Variants in QTGAL observed in about 807,000 individuals in gnomAD.
QTGAL encodes the protein BGnT-like protein 1.
At chr17:82,964,649 G>A in the QTGAL span, among the ~76,000 whole-genome samples, 26,721 of 124,582 alleles carry the variant, frequency 0.21, 3,666 homozygotes, top group East Asian at 0.4. Flanking sequence ...ACGGGGACAC[G>A]GACGCCTACA....
the QTGAL span, among the ~76,000 whole-genome samples, chr17:83,033,648 T>A: frequency 4.5e-4 from 68 of 151,846 alleles, no homozygotes; most frequent in Non-Finnish European, 8.1e-4. Flanking sequence ...ATTTTTTGTA[T>A]TTTTAGTAGA....
At chr17:83,019,583 G>A in the QTGAL span, among the ~76,000 whole-genome samples, 47,687 of 151,984 alleles carry the variant, frequency 0.31, 7,731 homozygotes, top group South Asian at 0.43. Flanking sequence ...TCGGGAAGAC[G>A]GGAAAGATCT....
At chr17:82,942,489 C>G in the QTGAL span, 8 of 1,613,938 alleles carry the variant, frequency 5.0e-6, no homozygotes, top group Non-Finnish European at 6.8e-6. Flanking sequence ...CCATACCTCA[C>G]CCCTGCCTGG....
the QTGAL span, among the ~76,000 whole-genome samples, chr17:82,990,675 A>C: frequency 6.6e-6 from 1 of 152,242 alleles, no homozygotes; most frequent in Non-Finnish European, 1.5e-5. Flanking sequence ...TTCAAATTTC[A>C]GAATTACAGC....
the QTGAL span, among the ~76,000 whole-genome samples, chr17:83,002,907 GCCCGCC>G: frequency 3.5e-5 from 1 of 28,586 alleles, no homozygotes; most frequent in African/African-American, 1.8e-4. Context: ...GGATTCCTGA[GCCCGCC>G]CTCCCGCCCT....
At chr17:82,989,410 G>C in the QTGAL span, among the ~76,000 whole-genome samples, 1 of 151,592 alleles carries the variant, frequency 6.6e-6, no homozygotes, top group African/African-American at 2.4e-5. Context: ...CCTAGGTGGT[G>C]GGTTGATGGG....
the QTGAL span, among the ~76,000 whole-genome samples, chr17:82,955,887 C>G: frequency 6.6e-6 from 1 of 151,906 alleles, no homozygotes; most frequent in Admixed American, 6.6e-5. Context: ...CCTCAGCAAA[C>G]TAACACAGGA....
chr17:83,010,888 G>A, the QTGAL span, among the ~76,000 whole-genome samples: 1 of 152,132 alleles, frequency 6.6e-6, no homozygotes, highest in African/African-American at 2.4e-5. Context: ...TTGTTCCTCC[G>A]CGTCGCTTCC....
chr17:82,951,111 G>T, the QTGAL span, among the ~76,000 whole-genome samples: 1 of 152,218 alleles, frequency 6.6e-6, no homozygotes, highest in African/African-American at 2.4e-5. Flanking sequence ...GCATAGATGG[G>T]TTTTAAAGTC....
chr17:83,009,547 C>T, the QTGAL span, among the ~76,000 whole-genome samples: 5 of 152,336 alleles, frequency 3.3e-5, no homozygotes, highest in East Asian at 5.8e-4. Context: ...GCTCTAAAGA[C>T]GGTGGCAAGA....
the QTGAL span, among the ~76,000 whole-genome samples, chr17:83,042,047 A>AT: frequency 0.36 from 54,365 of 152,064 alleles, 9,747 homozygotes; most frequent in Non-Finnish European, 0.37. Flanking sequence ...TTTGGTTTGT[A>AT]TTTTTCCTAT....
the QTGAL span, among the ~76,000 whole-genome samples, chr17:83,018,749 G>A: frequency 3.3e-5 from 5 of 152,172 alleles, no homozygotes; most frequent in South Asian, 4.1e-4. Context: ...CTACCATCTC[G>A]AAGCCATGGG....
At chr17:83,016,928 C>T in the QTGAL span, among the ~76,000 whole-genome samples, 11 of 152,296 alleles carry the variant, frequency 7.2e-5, no homozygotes, top group South Asian at 1.9e-3. Flanking sequence ...TCAAACCTTC[C>T]GACCCCTGGT....
At chr17:83,028,263 A>G in the QTGAL span, among the ~76,000 whole-genome samples, 92,654 of 151,616 alleles carry the variant, frequency 0.61, 29,175 homozygotes, top group African/African-American at 0.77. Context: ...GGTGGCTCAC[A>G]CCTGTAATCC....
chr17:83,016,485 GGAGT>G, the QTGAL span, among the ~76,000 whole-genome samples: 1 of 145,008 alleles, frequency 6.9e-6, no homozygotes, highest in Non-Finnish European at 1.5e-5. Context: ...GGAGAATGGA[GGAGT>G]GAGAAGGGAT....
the QTGAL span, chr17:82,943,708 G>C: frequency 2.6e-5 from 4 of 152,372 alleles, no homozygotes; most frequent in East Asian, 7.7e-4. Flanking sequence ...GGCCACACAG[G>C]AGTGTGGGGT....
chr17:82,976,499 G>A, the QTGAL span, among the ~76,000 whole-genome samples: 1 of 101,576 alleles, frequency 9.8e-6, no homozygotes, highest in African/African-American at 5.5e-5. Context: ...GGGGCCAGAG[G>A]CCACTTATGG....
chr17:83,035,640 G>C, the QTGAL span, among the ~76,000 whole-genome samples: 3 of 152,100 alleles, frequency 2.0e-5, no homozygotes, highest in Non-Finnish European at 4.4e-5. Context: ...CTTCATTAAA[G>C]TCTGACACTC....
chr17:83,017,470 A>G, the QTGAL span, among the ~76,000 whole-genome samples: 1 of 152,108 alleles, frequency 6.6e-6, no homozygotes, highest in Non-Finnish European at 1.5e-5. Flanking sequence ...TAAAAAAAAA[A>G]AAATTCACCG....
Sources: gnomAD v4.1 joint callset for allele counts (sites outside exome capture counted in the v4.1 genomes callset) on GRCh38, gnomAD v4.1.1 for gene constraint, MANE v1.5 for transcripts, NCBI Gene and HGNC (gene_info 2026-07-23, HGNC 2026-07-21) for gene names.